BCL2: variants seen among roughly 807,000 people sequenced by gnomAD.
BCL2 encodes BCL2 apoptosis regulator, also known as apoptosis regulator Bcl-2.
In BCL2, 1 loss-of-function variant was observed where a neutral mutation model predicts 14.2. That is an observed-to-expected ratio of 0.07 (90% confidence interval 0.02 to 0.33). The LOEUF (loss-of-function observed/expected upper bound fraction) is 0.33, where lower values mean the gene tolerates loss of function less well. Ranked by LOEUF, BCL2 falls within the 10% of genes least tolerant of loss-of-function variation. The probability of loss-of-function intolerance (pLI) is 0.99; values close to 1 mark genes in which losing one functional copy is unlikely to be tolerated. For missense variants in BCL2, 247 were observed against 305.9 expected (o/e 0.81, Z 1.44); for synonymous variants, 151 against 137.2 (o/e 1.10, Z -0.70).
At position 63,149,233 on chromosome 18, in the gene BCL2, G is replaced by C. The variant is rs746439700; in HGVS notation, c.586-20474C>G. On this transcript the variant is annotated intron_variant, in intron 2 of 2. Coordinates refer to ENST00000333681, the MANE Select transcript of BCL2 (RefSeq NM_000633.3). The surrounding 1 kb of genome is among the most constrained non-coding windows in gnomAD (Gnocchi z 4.2). ...TGGGGGATCATTTCAGGATGAAACT[G>C]TTCCAACACAGATCATCAGGCATTC... is the stretch of plus-strand genomic sequence containing the variant. 6.6e-6 allele frequency among the ~76,000 whole-genome samples: 1 copy of C among 152,192 alleles called. No individual in the cohort carries two copies. Among genetic ancestry groups the C allele is most frequent in the Non-Finnish European group, 1.5e-5 (1 of 68,038 alleles).
At position 63,128,495 on chromosome 18, in the gene BCL2, T is replaced by C. The variant is rs1478163125; in HGVS notation, c.*130A>G. 3.3e-6 allele frequency: 2 copies of C among 615,146 alleles called. No individual in the cohort carries two copies. The highest frequency in any genetic ancestry group is 3.0e-6 in the Non-Finnish European group (1 of 332,530). 38.1% of individuals were successfully genotyped at this position (615,146 alleles called of 1,614,324 possible). A position where few individuals can be genotyped will look rare whatever the true frequency, so the allele number is the denominator to read the frequency against. On this transcript the variant is annotated 3_prime_UTR_variant, in exon 3 of 3. Coordinates refer to ENST00000333681, the MANE Select transcript of BCL2 (RefSeq NM_000633.3). ...TGTGTGTGTCTGTCTGTGTGTGTGA[T>C]GTTTATATGTGTGTTATTTTTTCTT...
intron 2 of BCL2, among the ~76,000 whole-genome samples, chr18:63,191,393 T>C (rs1403963197): frequency 2.0e-5 from 3 of 152,244 alleles, no homozygotes; most frequent in Admixed American, 6.5e-5. Flanking sequence ...ATTTTATTTA[T>C]TTTTATTTTA....
intron 2 of BCL2, among the ~76,000 whole-genome samples, chr18:63,302,094 G>A (rs1230622269): frequency 2.0e-5 from 3 of 152,002 alleles, no homozygotes; most frequent in Admixed American, 6.6e-5. Flanking sequence ...GAGGGAGGCC[G>A]AGGCAGGTGG....
chr18:63,139,466 C>T (rs1446996373), intron 2 of BCL2, among the ~76,000 whole-genome samples: 1 of 152,158 alleles, frequency 6.6e-6, no homozygotes, highest in African/African-American at 2.4e-5. Flanking sequence ...CTAAATAAGA[C>T]ACATGCCCTG....
At chr18:63,144,873 C>T (rs1914467297) in intron 2 of BCL2, among the ~76,000 whole-genome samples, 1 of 152,176 alleles carries the variant, frequency 6.6e-6, no homozygotes, top group African/African-American at 2.4e-5. Flanking sequence ...TCCCCATCAC[C>T]CCCGCCCCCG....
chr18:63,254,462 G>C (rs929965124), intron 2 of BCL2, among the ~76,000 whole-genome samples: 2 of 150,260 alleles, frequency 1.3e-5, no homozygotes, highest in Non-Finnish European at 3.0e-5. Flanking sequence ...AGGCTGAGGT[G>C]GGAGGATCGC....
At chr18:63,216,417 A>T (rs78363015) in intron 2 of BCL2, among the ~76,000 whole-genome samples, 1 of 150,478 alleles carries the variant, frequency 6.6e-6, no homozygotes, top group Non-Finnish European at 1.5e-5. Flanking sequence ...AAAAAAAAAA[A>T]GAATGAGTGA....
At chr18:63,142,728 G>A (rs553164285) in intron 2 of BCL2, among the ~76,000 whole-genome samples, 2 of 152,332 alleles carry the variant, frequency 1.3e-5, no homozygotes, top group East Asian at 3.9e-4. Flanking sequence ...TGCTCTGGGG[G>A]ACAAGGGGAG....
At chr18:63,181,216 T>C (rs1260074967) in intron 2 of BCL2, among the ~76,000 whole-genome samples, 1 of 152,212 alleles carries the variant, frequency 6.6e-6, no homozygotes, top group Non-Finnish European at 1.5e-5. Context: ...CAGTTTGACT[T>C]GTAAATGAAA....
At chr18:63,282,207 GT>G (rs1379689060) in intron 2 of BCL2, among the ~76,000 whole-genome samples, 1 of 152,220 alleles carries the variant, frequency 6.6e-6, no homozygotes, top group African/African-American at 2.4e-5. Flanking sequence ...AATTAGGTCT[GT>G]TATCACAAGT....
At chr18:63,207,329 G>A (rs575062530) in intron 2 of BCL2, among the ~76,000 whole-genome samples, 1 of 152,370 alleles carries the variant, frequency 6.6e-6, no homozygotes, top group East Asian at 1.9e-4. Flanking sequence ...GTGGCCGTCA[G>A]TAAGTGCTAT....
chr18:63,198,001 G>A (rs1909495891), intron 2 of BCL2, among the ~76,000 whole-genome samples: 1 of 152,162 alleles, frequency 6.6e-6, no homozygotes, highest in Non-Finnish European at 1.5e-5. Context: ...TTTTATTTGA[G>A]CTTTTCAGGT....
At chr18:63,171,387 C>T (rs1263924569) in intron 2 of BCL2, among the ~76,000 whole-genome samples, 1 of 152,218 alleles carries the variant, frequency 6.6e-6, no homozygotes, top group African/African-American at 2.4e-5. Flanking sequence ...GAGCCTGATT[C>T]ACTGCTGGAG....
chr18:63,129,032 C>T (rs529710275), intron 2 of BCL2, among the ~76,000 whole-genome samples: 58 of 152,300 alleles, frequency 3.8e-4, no homozygotes, highest in African/African-American at 1.3e-3. Context: ...CTTCACGAAG[C>T]TTCCATTGAG....
At chr18:63,249,262 C>T (rs189508351) in intron 2 of BCL2, among the ~76,000 whole-genome samples, 2 of 152,290 alleles carry the variant, frequency 1.3e-5, no homozygotes, top group East Asian at 3.9e-4. Context: ...GTCACTAAGT[C>T]CAATTGGTTC....
chr18:63,168,945 G>A (rs1345083052), intron 2 of BCL2, among the ~76,000 whole-genome samples: 2 of 152,204 alleles, frequency 1.3e-5, no homozygotes, highest in African/African-American at 4.8e-5. Flanking sequence ...CACGCTCAGC[G>A]GTCATCTGTC....
At chr18:63,240,448 A>C (rs966890914) in intron 2 of BCL2, among the ~76,000 whole-genome samples, 8 of 152,262 alleles carry the variant, frequency 5.3e-5, no homozygotes, top group African/African-American at 1.7e-4. Flanking sequence ...GCCTTCCTTC[A>C]AATGTTCAAA....
At chr18:63,237,196 C>T (rs1008964050) in intron 2 of BCL2, among the ~76,000 whole-genome samples, 1 of 152,086 alleles carries the variant, frequency 6.6e-6, no homozygotes, top group African/African-American at 2.4e-5. Context: ...GAGAGAGGCC[C>T]ATTTTAAGGA....
At chr18:63,165,655 C>T (rs905001491) in intron 2 of BCL2, among the ~76,000 whole-genome samples, 1 of 152,220 alleles carries the variant, frequency 6.6e-6, no homozygotes, top group African/African-American at 2.4e-5. Flanking sequence ...GGGTGAAGGC[C>T]TCGGGCCTAG....
Sources: gnomAD v4.1 joint callset for allele counts (sites outside exome capture counted in the v4.1 genomes callset) on GRCh38, gnomAD v4.1.1 for gene constraint, Gnocchi (gnomAD v3.1) non-coding constraint, MANE v1.5 for transcripts, NCBI Gene and HGNC (gene_info 2026-07-23, HGNC 2026-07-21) for gene names.